DENND4A: variants seen among roughly 807,000 people sequenced by gnomAD.
DENND4A encodes DENN domain containing 4A.
A neutral mutation model predicts 199.3 loss-of-function variants in DENND4A; 70 were observed. The observed-to-expected ratio is 0.35, with a 90% CI of 0.29 to 0.43. The LOEUF (loss-of-function observed/expected upper bound fraction) is 0.43, where lower values mean the gene tolerates loss of function less well. Among genes scored for constraint, DENND4A ranks in the 20% least tolerant of loss-of-function variants. The pLI, the probability that DENND4A is intolerant of heterozygous loss-of-function variation, is 1.00. For missense variants in DENND4A, 1,723 were observed against 2,255.8 expected, an observed-to-expected ratio of 0.76 and a Z score of 4.78; for synonymous variants, 686 against 766.9, an observed-to-expected ratio of 0.89 and a Z score of 1.74.
intron 23 of DENND4A, among the ~76,000 whole-genome samples, chr15:65,678,196 G>A (rs2076452113): frequency 6.6e-6 from 1 of 152,098 alleles, no homozygotes; most frequent in African/African-American, 2.4e-5. Flanking sequence ...CCGAAGTGTT[G>A]GGATTACAGG....
intron 9 of DENND4A, chr15:65,731,427 T>C (rs537466285): frequency 4.4e-5 from 25 of 570,160 alleles, no homozygotes; most frequent in Middle Eastern, 2.7e-4. Flanking sequence ...AGGTATTTGA[T>C]GATAATAGAT....
At chr15:65,740,496 T>C (rs2076230852) in intron 5 of DENND4A, among the ~76,000 whole-genome samples, 2 of 149,144 alleles carry the variant, frequency 1.3e-5, no homozygotes. Flanking sequence ...CATGCCACCA[T>C]GTACTCTCGG....
intron 27 of DENND4A, among the ~76,000 whole-genome samples, chr15:65,668,538 T>C (rs541497484): frequency 8.2e-4 from 124 of 151,358 alleles, no homozygotes; most frequent in Non-Finnish European, 1.2e-3. Flanking sequence ...CCGAGCTAGA[T>C]GGTCGGGCGA....
intron 3 of DENND4A, 125 bp from the exon 4 acceptor site, chr15:65,752,753 T>C: frequency 1.5e-6 from 1 of 647,592 alleles, no homozygotes; most frequent in East Asian, 2.9e-5. Context: ...CTTACTGCAA[T>C]TTTAAAATGC....
intron 1 of DENND4A, among the ~76,000 whole-genome samples, chr15:65,764,498 G>T (rs2076930909): frequency 6.6e-6 from 1 of 152,092 alleles, no homozygotes; most frequent in Non-Finnish European, 1.5e-5. Context: ...GGGCGTGGAG[G>T]CATGTGCCTG....
chr15:65,679,531 T>C (rs1187030992), intron 23 of DENND4A, among the ~76,000 whole-genome samples: 1 of 152,052 alleles, frequency 6.6e-6, no homozygotes, highest in Non-Finnish European at 1.5e-5. Flanking sequence ...TTTTTTATGA[T>C]ATTAAAAACA....
intron 7 of DENND4A, among the ~76,000 whole-genome samples, chr15:65,736,855 A>C (rs1187751257): frequency 1.3e-5 from 2 of 152,188 alleles, no homozygotes; most frequent in African/African-American, 4.8e-5. Flanking sequence ...AGATCTGCAA[A>C]AATGTAAAAC....
chr15:65,677,828 G>T (rs769822508), intron 23 of DENND4A, among the ~76,000 whole-genome samples: 3 of 151,132 alleles, frequency 2.0e-5, no homozygotes, highest in Non-Finnish European at 4.4e-5. Context: ...CATTCCACTG[G>T]TCCATTTATC....
At chr15:65,738,955 G>T in intron 5 of DENND4A, 80 bp from the exon 6 acceptor site, 2 of 1,089,552 alleles carry the variant, frequency 1.8e-6, no homozygotes, top group Non-Finnish European at 1.3e-6. Context: ...AAAATGCTTT[G>T]TTATTTCACA....
At position 65,753,136 on chromosome 15, in the gene DENND4A, A is replaced by G. The variant is rs368829828; in HGVS notation, c.312-508T>C. ...CCTTAATCAAAAGTCTGGGTGAGGC[A>G]CTAGGCTTTTATTTTCTCTTTATTG... On this transcript the variant is annotated intron_variant, in intron 3 of 32. Transcript: ENST00000443035. Among the ~76,000 whole-genome samples, 10 of 152,308 alleles carry G rather than the reference A, an allele frequency of 6.6e-5. No individual in the cohort carries two copies. In the South Asian group the frequency reaches 1.7e-3, roughly 25 times the overall value.
intron 11 of DENND4A, among the ~76,000 whole-genome samples, chr15:65,727,395 T>C (rs1363490799): frequency 6.8e-6 from 1 of 147,170 alleles, no homozygotes; most frequent in Non-Finnish European, 1.5e-5. Flanking sequence ...GGAGCTTACA[T>C]TGAGCTGAGA....
In DENND4A at chr15:65,737,962, A is replaced by G; in HGVS notation, c.802-17T>C. The stretch of plus-strand genomic sequence containing the variant: ...ACCATAAACCTGCAAAACAAGTAAT[A>G]TATCCAGTAAATATACTTTGTATCA... On this transcript the variant is annotated splice_polypyrimidine_tract_variant and intron_variant, in intron 6 of 32. Transcript: ENST00000443035. 2.6e-6 allele frequency: 4 copies of G among 1,551,784 alleles called. No individual in the cohort carries two copies. The highest frequency in any genetic ancestry group is 3.5e-6 in the Non-Finnish European group (4 of 1,146,276).
rs749629724 is a variant in DENND4A, at chr15:65,701,038, A to C, written c.2701+13T>G. The stretch of plus-strand genomic sequence containing the variant: ...TAATTTTGAAGAACAAGTAAAACAC[A>C]TACATCCCTTACCTGAGAGAGTTGT... On this transcript the variant is annotated intron_variant, in intron 19 of 32. Transcript: ENST00000443035. 2.5e-6 allele frequency: 4 copies of C among 1,596,164 alleles called. No individual in the cohort carries two copies. In the South Asian group the frequency reaches 4.7e-5, roughly 19 times the overall value.
At chr15:65,741,868 T>C in intron 4 of DENND4A, 84 bp from the exon 5 acceptor site, 2 of 1,065,728 alleles carry the variant, frequency 1.9e-6, no homozygotes, top group South Asian at 1.5e-5. Context: ...CTCTCTAGTA[T>C]GTATTATCTA....
rs77862230 is a variant in DENND4A at position 65,752,362 on chromosome 15, G to A, written c.561+17C>T. 10,822 of 1,446,354 alleles carry A rather than the reference G, an allele frequency of 7.5e-3. 660 individuals are homozygous for A. The African/African-American group carries it at 0.14, about 19-fold the overall frequency. The allele number at this position is 1,446,354 out of a possible 1,614,324, so 89.6% of individuals were successfully genotyped here. The stretch of plus-strand genomic sequence containing the variant: ...TTCATCAGTGGTTAATGTTACCAGT[G>A]CAAGTAAGTCACTTACCATACTGTT... On this transcript the variant is annotated intron_variant, in intron 4 of 32. Coordinates refer to ENST00000443035, the MANE Select transcript of DENND4A (RefSeq NM_001320835.1).
At chr15:65,684,886 G>C (rs537523632) in intron 23 of DENND4A, among the ~76,000 whole-genome samples, 1 of 146,972 alleles carries the variant, frequency 6.8e-6, no homozygotes, top group Non-Finnish European at 1.5e-5. Context: ...GTGCAATGGC[G>C]CGATCTTGGC....
chr15:65,764,971 CCAAAAAAAAAA>C (rs1596645877), intron 1 of DENND4A, among the ~76,000 whole-genome samples: 1 of 89,134 alleles, frequency 1.1e-5, no homozygotes, highest in East Asian at 6.0e-4. Context: ...GACCCTGTCT[CCAAAAAAAAAA>C]AAAAAAAAAG....
intron 2 of DENND4A, 21 bp from the exon 3 acceptor site, chr15:65,756,493 T>A: frequency 6.6e-7 from 1 of 1,525,260 alleles, no homozygotes. Context: ...AGTAAAAGAC[T>A]AGTACTCCCC....
chr15:65,706,012 C>T, intron 15 of DENND4A, 79 bp downstream of exon 15: 4 of 1,388,830 alleles, frequency 2.9e-6, no homozygotes, highest in Non-Finnish European at 3.8e-6. Context: ...TTTGAAAATA[C>T]CACAGTCCTT....
Sources: allele counts gnomAD v4.1 joint callset (sites outside exome capture counted in the v4.1 genomes callset), GRCh38; gene constraint gnomAD v4.1.1; transcripts MANE v1.5; gene names NCBI Gene and HGNC (gene_info 2026-07-23, HGNC 2026-07-21).